Variants in HFM1 observed in about 807,000 individuals in gnomAD.
HFM1 encodes the protein probable ATP-dependent DNA helicase HFM1.
HFM1 carries 169 observed loss-of-function variants against 192.1 expected under a neutral mutation model. That is an observed-to-expected ratio of 0.88 (90% confidence interval 0.78 to 1.00). HFM1 has a LOEUF of 1.00. HFM1 is among the 50% of genes least tolerant of loss of function. The probability of loss-of-function intolerance (pLI) is 0.00; values close to 1 mark genes in which losing one functional copy is unlikely to be tolerated. For synonymous variants in HFM1, 525 were observed against 537.8 expected (o/e 0.98, Z 0.33); for missense variants, 1,661 against 1,668.0 (o/e 1.00, Z 0.07).
At chr1:91,334,444 G>A (rs890471244) in intron 20 of HFM1, among the ~76,000 whole-genome samples, 1 of 152,110 alleles carries the variant, frequency 6.6e-6, no homozygotes, top group Non-Finnish European at 1.5e-5. Flanking sequence ...GCCCTCAAAT[G>A]ATATTAAAAG....
chr1:91,346,070 T>C (rs1286348664), intron 19 of HFM1, among the ~76,000 whole-genome samples: 2 of 152,212 alleles, frequency 1.3e-5, no homozygotes, highest in African/African-American at 4.8e-5. Context: ...ATCTGTCTTG[T>C]TACAGGAGTG....
intron 30 of HFM1, among the ~76,000 whole-genome samples, chr1:91,281,163 T>C (rs1017138906): frequency 6.6e-6 from 1 of 152,212 alleles, no homozygotes; most frequent in African/African-American, 2.4e-5. Context: ...GCAGAAATCA[T>C]GGTAACTCCA....
At chr1:91,399,486 C>G (rs953177168) in intron 2 of HFM1, among the ~76,000 whole-genome samples, 4 of 152,116 alleles carry the variant, frequency 2.6e-5, no homozygotes, top group African/African-American at 9.7e-5. Context: ...TGAATTATAT[C>G]CAAAATCCTT....
intron 14 of HFM1, 52 bp from the exon 15 acceptor site, chr1:91,353,204 C>A (rs112891514): frequency 6.5e-7 from 1 of 1,548,652 alleles, no homozygotes; most frequent in East Asian, 2.3e-5. Context: ...CAATAATTGG[C>A]ACCTTTCATC....
At chr1:91,319,644 A>G (rs950642556) in intron 23 of HFM1, among the ~76,000 whole-genome samples, 1 of 152,064 alleles carries the variant, frequency 6.6e-6, no homozygotes, top group African/African-American at 2.4e-5. Context: ...TCTCTCTAAA[A>G]GATCTCATTT....
chr1:91,353,923 G>GAAA (rs35628470), intron 13 of HFM1, among the ~76,000 whole-genome samples: 24 of 113,560 alleles, frequency 2.1e-4, no homozygotes, highest in East Asian at 3.8e-4. Context: ...CAGGAAACAT[G>GAAA]AAAAAAAAAA....
At chr1:91,331,068 A>G (rs1653755464) in intron 20 of HFM1, among the ~76,000 whole-genome samples, 1 of 152,264 alleles carries the variant, frequency 6.6e-6, no homozygotes, top group South Asian at 2.1e-4. Flanking sequence ...GATATGGAAT[A>G]TGACAAGGAT....
intron 30 of HFM1, among the ~76,000 whole-genome samples, chr1:91,288,423 G>A (rs947373591): frequency 6.7e-6 from 1 of 149,802 alleles, no homozygotes; most frequent in African/African-American, 2.5e-5. Flanking sequence ...GGTGTTTCTC[G>A]GGGAGGGGGA....
intron 20 of HFM1, chr1:91,328,658 A>G: frequency 1.9e-6 from 3 of 1,593,312 alleles, no homozygotes; most frequent in Non-Finnish European, 2.6e-6. Context: ...CCACAGCACA[A>G]GTCAGGCGAG....
chr1:91,373,135 C>G (rs775096685), intron 13 of HFM1, among the ~76,000 whole-genome samples: 2 of 75,174 alleles, frequency 2.7e-5, no homozygotes, highest in Non-Finnish European at 5.1e-5. Flanking sequence ...TATAGTCTAC[C>G]TTTTTAGTGG....
At chr1:91,271,890 A>T (rs1666335775) in intron 34 of HFM1, among the ~76,000 whole-genome samples, 1 of 152,132 alleles carries the variant, frequency 6.6e-6, no homozygotes, top group African/African-American at 2.4e-5. Flanking sequence ...TAGATATGAA[A>T]TTTTTGGGCA....
At chr1:91,355,117 G>T (rs282061) in intron 13 of HFM1, among the ~76,000 whole-genome samples, 152,118 of 152,298 alleles carry the variant, frequency 1, 75,969 homozygotes, top group Non-Finnish European at 1. Flanking sequence ...ATCTAGAGTA[G>T]TTGTATGTGA....
chr1:91,335,174 G>C (rs549197086), intron 20 of HFM1, among the ~76,000 whole-genome samples: 6 of 152,302 alleles, frequency 3.9e-5, no homozygotes, highest in African/African-American at 1.4e-4. Context: ...ATCAGGAATA[G>C]AGAAGTAGCC....
Position 91,382,963 on chromosome 1 carries a change from T to G in HFM1, c.803-1981A>C, listed in dbSNP as rs1239635846. 2.0e-5 allele frequency among the ~76,000 whole-genome samples: 3 copies of G among 152,274 alleles called. No individual in the cohort carries two copies. In the South Asian group the frequency reaches 6.2e-4, roughly 32 times the overall value. On this transcript the variant is annotated intron_variant, in intron 6 of 38. Transcript: ENST00000370425. The stretch of plus-strand genomic sequence containing the variant: ...GAGAAAACGTCTATTGCCCTGAGGA[T>G]TCAAATGCAGTAAAATATTTAAAGA...
intron 20 of HFM1, among the ~76,000 whole-genome samples, chr1:91,342,305 A>C (rs1405518457): frequency 6.6e-6 from 1 of 152,256 alleles, no homozygotes; most frequent in African/African-American, 2.4e-5. Flanking sequence ...AAAATGGAGC[A>C]TCTTGGCTTA....
intron 30 of HFM1, among the ~76,000 whole-genome samples, chr1:91,308,290 G>A (rs1553195267): frequency 1.3e-5 from 2 of 151,640 alleles, no homozygotes. Flanking sequence ...TCTTATCTCT[G>A]GGCTTCAATT....
intron 13 of HFM1, among the ~76,000 whole-genome samples, chr1:91,368,526 C>A (rs986154207): frequency 3.3e-5 from 5 of 152,208 alleles, no homozygotes; most frequent in East Asian, 1.9e-4. Flanking sequence ...GAAATAAAAT[C>A]CTTTACAGAC....
At chr1:91,322,505 T>C (rs917077270) in intron 23 of HFM1, among the ~76,000 whole-genome samples, 1 of 152,158 alleles carries the variant, frequency 6.6e-6, no homozygotes, top group African/African-American at 2.4e-5. Context: ...CTAGTCTCTG[T>C]ACAAACTCCC....
intron 13 of HFM1, among the ~76,000 whole-genome samples, chr1:91,370,883 T>G (rs1363139042): frequency 6.6e-6 from 1 of 152,168 alleles, no homozygotes; most frequent in African/African-American, 2.4e-5. Flanking sequence ...GATAGATAAC[T>G]TCAGCAAAGT....
Sources: gnomAD v4.1 joint callset for allele counts (sites outside exome capture counted in the v4.1 genomes callset) on GRCh38, gnomAD v4.1.1 for gene constraint, MANE v1.5 for transcripts, NCBI Gene and HGNC (gene_info 2026-07-23, HGNC 2026-07-21) for gene names.